The following CTIF variants were observed in gnomAD, a reference collection of about 807,000 sequenced individuals.
CTIF encodes CBP80/20-dependent translation initiation factor.
A neutral mutation model predicts 66.0 loss-of-function variants in CTIF; 21 were observed. The ratio of observed to expected loss-of-function variants is 0.32; its 90% CI spans 0.23 to 0.46. The LOEUF (loss-of-function observed/expected upper bound fraction) is 0.46. Ranked by LOEUF, CTIF falls within the 20% of genes least tolerant of loss-of-function variation. CTIF has a pLI of 1.00. For synonymous variants in CTIF, 345 were observed against 326.4 expected, an observed-to-expected ratio of 1.06 and a Z score of -0.62; for missense variants, 739 against 812.7, an observed-to-expected ratio of 0.91 and a Z score of 1.10.
chr18:48,745,941 T>C (rs887848549), intron 7 of CTIF, among the ~76,000 whole-genome samples: 1 of 152,218 alleles, frequency 6.6e-6, no homozygotes, highest in East Asian at 1.9e-4. Flanking sequence ...GCTAACTCCG[T>C]TTCACATTTC....
intron 1 of CTIF, among the ~76,000 whole-genome samples, chr18:48,568,938 G>T (rs2089347721): frequency 6.6e-6 from 1 of 152,190 alleles, no homozygotes; most frequent in South Asian, 2.1e-4. Flanking sequence ...AATTGAAGAT[G>T]AGATTTGGGT....
chr18:48,683,148 C>G (rs2091776436), intron 6 of CTIF: 1 of 152,184 alleles, frequency 6.6e-6, no homozygotes, highest in East Asian at 1.9e-4. Context: ...CAGGGGGAAG[C>G]CTCCCTGGGA....
chr18:48,750,766 C>T (rs1368354148), intron 7 of CTIF, among the ~76,000 whole-genome samples: 1 of 152,246 alleles, frequency 6.6e-6, no homozygotes, highest in Non-Finnish European at 1.5e-5. Context: ...TCCGCCTTTG[C>T]TTCTGCACCA....
At chr18:48,856,098 A>T (rs2069321881) in intron 10 of CTIF, among the ~76,000 whole-genome samples, 1 of 152,206 alleles carries the variant, frequency 6.6e-6, no homozygotes. Context: ...GAACTGAGAG[A>T]AAAAGCATTA....
rs552959544 is a variant in CTIF at position 48,621,477 on chromosome 18, C to T, written c.180+1732C>T. The T allele has an allele frequency of 8.1e-5, 26 of 319,144 alleles. 2 individuals carry two copies. The highest frequency in any genetic ancestry group is 2.8e-4 in the African/African-American group (12 of 43,028). The allele number at this position is 319,144 out of a possible 1,614,324, so 19.8% of individuals were successfully genotyped here. Reference sequence around the variant, plus strand: ...ATGAGGACTGTGTCGTCAGGAGGTGCGAGTCCTGAGCCCTGGAGTGGCCCC... The same window carrying T: ...ATGAGGACTGTGTCGTCAGGAGGTGTGAGTCCTGAGCCCTGGAGTGGCCCC... On this transcript the variant is annotated intron_variant, in intron 2 of 11. Transcript: ENST00000256413.
intron 11 of CTIF, 129 bp from the exon 12 acceptor site, chr18:48,859,215 G>T (rs1204944035): frequency 5.2e-6 from 4 of 763,038 alleles, no homozygotes; most frequent in Admixed American, 3.8e-5. Flanking sequence ...TCCAGCTGTG[G>T]CACAGGGGTC....
At chr18:48,737,091 C>T (rs1234065520) in intron 7 of CTIF, among the ~76,000 whole-genome samples, 2 of 152,078 alleles carry the variant, frequency 1.3e-5, no homozygotes, top group Admixed American at 6.5e-5. Context: ...CAGTGATGGC[C>T]CCTGCATGAT....
chr18:48,792,181 G>C (rs2067806996), intron 9 of CTIF, among the ~76,000 whole-genome samples: 1 of 152,194 alleles, frequency 6.6e-6, no homozygotes, highest in African/African-American at 2.4e-5. Flanking sequence ...CCTTGGATAG[G>C]CTTGAAGGAG....
chr18:48,751,804 TTC>T (rs1405319891), intron 7 of CTIF, among the ~76,000 whole-genome samples: 1 of 152,134 alleles, frequency 6.6e-6, no homozygotes, highest in Non-Finnish European at 1.5e-5. Context: ...CCACCCCAAC[TTC>T]TCTCAGAGGG....
intron 6 of CTIF, among the ~76,000 whole-genome samples, chr18:48,672,092 C>T (rs1392268143): frequency 1.4e-5 from 2 of 145,918 alleles, no homozygotes; most frequent in African/African-American, 5.2e-5. Flanking sequence ...CCTGGCTTGA[C>T]TGCTCCTTGG....
intron 7 of CTIF, among the ~76,000 whole-genome samples, chr18:48,725,453 A>G (rs1333821031): frequency 6.6e-6 from 1 of 152,062 alleles, no homozygotes; most frequent in African/African-American, 2.4e-5. Context: ...CCTTTCCGGG[A>G]GACAGCCCCG....
chr18:48,630,868 G>A (rs1023462356), intron 2 of CTIF, among the ~76,000 whole-genome samples: 5 of 151,874 alleles, frequency 3.3e-5, no homozygotes, highest in African/African-American at 9.7e-5. Flanking sequence ...TAGTAGAGAC[G>A]GGGTTTCACC....
At chr18:48,699,444 G>C (rs1555676068) in intron 6 of CTIF, among the ~76,000 whole-genome samples, 1 of 151,756 alleles carries the variant, frequency 6.6e-6, no homozygotes, top group African/African-American at 2.4e-5. Flanking sequence ...CTGGAGCCGG[G>C]TGGTGCAGGT....
chr18:48,718,235 A>G (rs1052511306), intron 7 of CTIF, among the ~76,000 whole-genome samples: 4 of 152,186 alleles, frequency 2.6e-5, no homozygotes, highest in African/African-American at 9.7e-5. Flanking sequence ...TATTTTTCCA[A>G]TTTTTGAAAA....
chr18:48,724,682 A>C (rs2092370844), intron 7 of CTIF, among the ~76,000 whole-genome samples: 1 of 152,186 alleles, frequency 6.6e-6, no homozygotes, highest in African/African-American at 2.4e-5. Flanking sequence ...GCTGTGTGTG[A>C]GCTCCTGGGC....
intron 10 of CTIF, among the ~76,000 whole-genome samples, chr18:48,832,313 A>G (rs2068710852): frequency 6.6e-6 from 1 of 151,888 alleles, no homozygotes; most frequent in South Asian, 2.1e-4. Context: ...TTGGGACTCC[A>G]GGTGTGCACC....
intron 1 of CTIF, among the ~76,000 whole-genome samples, chr18:48,547,182 G>T (rs550043811): frequency 6.6e-6 from 1 of 152,172 alleles, no homozygotes; most frequent in South Asian, 2.1e-4. Flanking sequence ...CACAACTCGG[G>T]GAGGCATGTG....
chr18:48,582,625 C>G (rs548059218), intron 1 of CTIF, among the ~76,000 whole-genome samples: 3 of 152,266 alleles, frequency 2.0e-5, no homozygotes, highest in African/African-American at 7.2e-5. Context: ...ACCTTCCTGG[C>G]TTCCCTGCTA....
chr18:48,630,419 C>T (rs169936), intron 2 of CTIF, among the ~76,000 whole-genome samples: 58,039 of 152,036 alleles, frequency 0.38, 13,897 homozygotes, highest in African/African-American at 0.68. Context: ...TCTCAGATTT[C>T]AATCACCTTG....
Sources: allele counts gnomAD v4.1 joint callset (sites outside exome capture counted in the v4.1 genomes callset), GRCh38; gene constraint gnomAD v4.1.1; transcripts MANE v1.5; gene names NCBI Gene and HGNC (gene_info 2026-07-23, HGNC 2026-07-21).